The following GLB1 variants were observed in gnomAD, a reference collection of about 807,000 sequenced individuals.
The protein encoded by GLB1 is beta-galactosidase.
GLB1 carries 56 observed loss-of-function variants against 74.0 expected under a neutral mutation model. The ratio of observed to expected loss-of-function variants is 0.76; its 90% CI spans 0.61 to 0.94. The LOEUF is 0.94. Among genes scored for constraint, GLB1 ranks in the 40% least tolerant of loss-of-function variants. The pLI is 0.00. For synonymous variants in GLB1, 323 were observed against 323.6 expected (o/e 1.00, Z 0.02); for missense variants, 787 against 845.5 (o/e 0.93, Z 0.86).
chr3:32,985,329 C>T, the GLB1 span, among the ~76,000 whole-genome samples: 56 of 150,562 alleles, frequency 3.7e-4, no homozygotes, highest in Non-Finnish European at 1.6e-4. Flanking sequence ...CTCGCTCTGT[C>T]GCCCAGGCTG....
At chr3:33,044,602 CAT>C (rs58915799) in intron 10 of GLB1, among the ~76,000 whole-genome samples, 10,815 of 152,068 alleles carry the variant, frequency 0.071, 524 homozygotes, top group East Asian at 0.24. Context: ...AAAGGAATAA[CAT>C]AAGCAACATT....
chr3:33,043,541 A>G (rs954241260), intron 10 of GLB1, among the ~76,000 whole-genome samples: 1 of 152,212 alleles, frequency 6.6e-6, no homozygotes, highest in African/African-American at 2.4e-5. Context: ...AAAGAAAGCA[A>G]TAAAGGGAAA....
the GLB1 span, among the ~76,000 whole-genome samples, chr3:32,979,505 C>A: frequency 2.0e-5 from 3 of 150,610 alleles, no homozygotes; most frequent in Admixed American, 6.6e-5. Context: ...AAAAAAAATT[C>A]TTTTGGTGTT....
At chr3:33,009,122 A>AAAATAAAT (rs201038052) in intron 15 of GLB1, among the ~76,000 whole-genome samples, 5,950 of 137,468 alleles carry the variant, frequency 0.043, 205 homozygotes, top group African/African-American at 0.092. Context: ...TCCATCTTAA[A>AAAATAAAT]AAATAAATAA....
At chr3:33,086,807 T>C (rs1700518659) in intron 1 of GLB1, among the ~76,000 whole-genome samples, 1 of 151,984 alleles carries the variant, frequency 6.6e-6, no homozygotes, top group South Asian at 2.1e-4. Context: ...GTTATAGACT[T>C]AAGGAGACTG....
In GLB1 at chr3:33,049,660, C is replaced by T. The variant is rs576965893; in HGVS notation, c.955+2098G>A. Among the ~76,000 whole-genome samples the T allele has an allele frequency of 1.1e-3, 163 of 152,250 alleles. 1 individual carries two copies. Among genetic ancestry groups the T allele is most frequent in the African/African-American group, 3.8e-3 (157 of 41,526 alleles). On this transcript the variant is annotated intron_variant, in intron 9 of 15. Coordinates refer to ENST00000307363, the MANE Select transcript of GLB1 (RefSeq NM_000404.4). Reference sequence around the variant, plus strand: ...CTCAAACTCCTGACCTCGTGATCCACGCACCTCAGCCTCCCAAAGTGCCGG... The same window carrying T: ...CTCAAACTCCTGACCTCGTGATCCATGCACCTCAGCCTCCCAAAGTGCCGG...
In GLB1 at chr3:33,092,824, C is replaced by T. The variant is rs1356779854; in HGVS notation, c.75+4187G>A. The T allele has an allele frequency of 2.5e-6, 4 of 1,586,848 alleles. No homozygotes were observed. In the African/African-American group the frequency reaches 4.0e-5, roughly 16 times the overall value. On this transcript the variant is annotated intron_variant, in intron 1 of 15. Coordinates refer to ENST00000307363, the MANE Select transcript of GLB1 (RefSeq NM_000404.4). ...AAGGGCAGGGCAGAGGTGCACAGGGCAGGGCCAGTTCAGGGAGACCGCTGC... is the reference window on the plus strand; with the variant it reads ...AAGGGCAGGGCAGAGGTGCACAGGGTAGGGCCAGTTCAGGGAGACCGCTGC...
intron 10 of GLB1, among the ~76,000 whole-genome samples, chr3:33,026,897 G>T (rs1441405259): frequency 1.3e-5 from 2 of 152,162 alleles, no homozygotes; most frequent in African/African-American, 4.8e-5. Flanking sequence ...GCTCAATAAA[G>T]CTACTCTTCA....
At chr3:33,077,370 G>T in intron 1 of GLB1, 1 of 1,340,034 alleles carries the variant, frequency 7.5e-7, no homozygotes, top group Non-Finnish European at 1.0e-6. Context: ...TGGTCAATGA[G>T]ACAGATCAGA....
chr3:33,073,431 T>C (rs1699961002), intron 1 of GLB1, among the ~76,000 whole-genome samples: 1 of 152,218 alleles, frequency 6.6e-6, no homozygotes. Context: ...CTCACACCTG[T>C]AATCCCAGAA....
intron 1 of GLB1, chr3:33,077,060 T>A: frequency 9.8e-7 from 1 of 1,021,230 alleles, no homozygotes. Context: ...CCTGTCTCTA[T>A]AAAAAAAAAA....
At chr3:32,968,541 T>C in the GLB1 span, among the ~76,000 whole-genome samples, 1 of 152,140 alleles carries the variant, frequency 6.6e-6, no homozygotes, top group African/African-American at 2.4e-5. Context: ...AAGCAGGCTG[T>C]TTGTGCACTT....
chr3:32,975,823 T>C, the GLB1 span, among the ~76,000 whole-genome samples: 1 of 152,310 alleles, frequency 6.6e-6, no homozygotes, highest in Admixed American at 6.5e-5. Flanking sequence ...TGCTGATCTA[T>C]CTGGAGGAGA....
intron 1 of GLB1, chr3:33,096,558 G>C (rs1169081511): frequency 2.0e-6 from 2 of 984,024 alleles, no homozygotes; most frequent in Non-Finnish European, 2.4e-6. Context: ...TGTTCCCACT[G>C]CAAGGGCCTC....
chr3:33,052,027 C>T, intron 7 of GLB1, 23 bp from the exon 8 acceptor site: 1 of 1,612,692 alleles, frequency 6.2e-7, no homozygotes, highest in Middle Eastern at 1.7e-4. Context: ...AAGAACGTAG[C>T]CCTTAGGATA....
At chr3:33,017,719 T>C (rs543468903) in intron 13 of GLB1, among the ~76,000 whole-genome samples, 35 of 152,304 alleles carry the variant, frequency 2.3e-4, no homozygotes, top group African/African-American at 8.2e-4. Flanking sequence ...TAATTTCTCA[T>C]GTAGGATAAA....
intron 10 of GLB1, chr3:33,037,974 C>T (rs951272400): frequency 7.7e-6 from 1 of 129,978 alleles, no homozygotes; most frequent in Non-Finnish European, 1.5e-5. Context: ...TCCAAAGCTT[C>T]TCCAATCTGT....
chr3:33,016,153 C>T (rs1464704527), intron 14 of GLB1, among the ~76,000 whole-genome samples: 3 of 152,130 alleles, frequency 2.0e-5, no homozygotes, highest in Non-Finnish European at 4.4e-5. Context: ...CAGGGCAGAA[C>T]AGAGGCTCAG....
rs1699304279 is a variant in GLB1, at chr3:33,058,304, G to T, written c.553-35C>A. ...AAAAAAGAGCAGGGAAAAATGAGGA[G>T]ATCCTAATGTAGCCACCCTAATGCA... On this transcript the variant is annotated intron_variant, in intron 5 of 15. Coordinates refer to ENST00000307363, the MANE Select transcript of GLB1 (RefSeq NM_000404.4). 6 of 1,613,190 alleles carry T rather than the reference G, an allele frequency of 3.7e-6. No homozygotes were observed. The African/African-American group carries it at 5.3e-5, about 14-fold the overall frequency.
Sources: allele counts gnomAD v4.1 joint callset (sites outside exome capture counted in the v4.1 genomes callset), GRCh38; gene constraint gnomAD v4.1.1; transcripts MANE v1.5; gene names NCBI Gene and HGNC (gene_info 2026-07-23, HGNC 2026-07-21).